CLVS1: variants seen among roughly 807,000 people sequenced by gnomAD.
CLVS1 encodes the protein clavesin-1.
CLVS1 carries 10 observed loss-of-function variants against 33.1 expected under a neutral mutation model. The observed-to-expected ratio is 0.30, with a 90% CI of 0.19 to 0.51. The LOEUF (loss-of-function observed/expected upper bound fraction) is 0.51, where lower values mean the gene tolerates loss of function less well. Ranked by LOEUF, CLVS1 falls within the 20% of genes least tolerant of loss-of-function variation. CLVS1 has a pLI of 0.97. For synonymous variants in CLVS1, 163 were observed against 166.1 expected (o/e 0.98, Z 0.14); for missense variants, 343 against 433.4 (o/e 0.79, Z 1.85).
At chr8:61,415,493 G>A (rs1280281997) in intron 3 of CLVS1, among the ~76,000 whole-genome samples, 1 of 152,190 alleles carries the variant, frequency 6.6e-6, no homozygotes, top group African/African-American at 2.4e-5. Context: ...AAATGATTAT[G>A]GCTAAGCCAT....
intron 2 of CLVS1, among the ~76,000 whole-genome samples, chr8:61,368,955 G>A (rs989795619): frequency 6.6e-6 from 1 of 152,096 alleles, no homozygotes; most frequent in African/African-American, 2.4e-5. Flanking sequence ...AAATTTGCTT[G>A]CAGGATTTTT....
intron 2 of CLVS1, among the ~76,000 whole-genome samples, chr8:61,366,688 T>C (rs1813224849): frequency 6.6e-6 from 1 of 152,202 alleles, no homozygotes; most frequent in South Asian, 2.1e-4. Context: ...GTACTGGTGA[T>C]TGCCAGGGAT....
chr8:61,477,225 C>T (rs941615610), intron 5 of CLVS1, among the ~76,000 whole-genome samples: 2 of 152,108 alleles, frequency 1.3e-5, no homozygotes, highest in South Asian at 2.1e-4. Context: ...ACTTTTGCAA[C>T]GATGTTCATC....
intron 2 of CLVS1, among the ~76,000 whole-genome samples, chr8:61,226,574 C>T (rs939849185): frequency 3.3e-5 from 5 of 152,170 alleles, no homozygotes; most frequent in Non-Finnish European, 5.9e-5. Context: ...TTAAATCCTC[C>T]ACTTTGTATC....
chr8:61,017,788 G>GT, the CLVS1 span, among the ~76,000 whole-genome samples: 1 of 152,166 alleles, frequency 6.6e-6, no homozygotes, highest in African/African-American at 2.4e-5. Flanking sequence ...GGGCTGGGGG[G>GT]GCTCCTCTGG....
chr8:61,072,939 A>C lies in CLVS1; in HGVS notation c.-243+15709A>C, dbSNP rs374455088. Among the ~76,000 whole-genome samples, 20 of 152,296 alleles carry C rather than the reference A, an allele frequency of 1.3e-4. No individual in the cohort carries two copies. In the East Asian group the frequency reaches 3.7e-3, roughly 28 times the overall value. On this transcript the variant is annotated intron_variant, in intron 1 of 2. Transcript: ENST00000522621. The stretch of plus-strand genomic sequence containing the variant: ...AGGCTTTCCTCCATTGAAATCTATA[A>C]TCTTTTTTTGTATGTGGCTATCCTC...
At chr8:61,098,748 C>T (rs1805397228) in intron 1 of CLVS1, among the ~76,000 whole-genome samples, 1 of 152,078 alleles carries the variant, frequency 6.6e-6, no homozygotes, top group African/African-American at 2.4e-5. Context: ...CTACTCATAT[C>T]CACCCCCAGT....
chr8:61,305,734 G>C (rs1326713480), intron 2 of CLVS1, among the ~76,000 whole-genome samples: 1 of 152,062 alleles, frequency 6.6e-6, no homozygotes, highest in Non-Finnish European at 1.5e-5. Context: ...AAAGGCCCCA[G>C]TGTTTATTGT....
the CLVS1 span, among the ~76,000 whole-genome samples, chr8:61,041,213 C>T: frequency 6.6e-6 from 1 of 152,168 alleles, no homozygotes; most frequent in East Asian, 1.9e-4. Flanking sequence ...GTACCAGTAC[C>T]ATGCTGTTTT....
At chr8:61,142,771 C>T (rs1806331430) in intron 2 of CLVS1, among the ~76,000 whole-genome samples, 1 of 152,162 alleles carries the variant, frequency 6.6e-6, no homozygotes, top group Admixed American at 6.5e-5. Context: ...AACAGATACA[C>T]ACCTTCTGTA....
the CLVS1 span, among the ~76,000 whole-genome samples, chr8:60,973,924 T>A: frequency 6.6e-6 from 1 of 152,186 alleles, no homozygotes; most frequent in Non-Finnish European, 1.5e-5. Context: ...TCTGACTAGC[T>A]GCCCACTGTA....
chr8:61,419,804 GTTAAAC>G (rs1393036963), intron 3 of CLVS1, among the ~76,000 whole-genome samples: 3 of 152,182 alleles, frequency 2.0e-5, no homozygotes, highest in Non-Finnish European at 4.4e-5. Context: ...CACTGCTCCT[GTTAAAC>G]TTAACTGCAT....
intron 2 of CLVS1, among the ~76,000 whole-genome samples, chr8:61,265,532 G>A (rs1809287423): frequency 6.6e-6 from 1 of 152,192 alleles, no homozygotes; most frequent in Admixed American, 6.5e-5. Context: ...TCAATTCTAT[G>A]AGAGGCTTGT....
intron 1 of CLVS1, among the ~76,000 whole-genome samples, chr8:61,121,815 CT>C: frequency 6.6e-6 from 1 of 152,250 alleles, no homozygotes; most frequent in African/African-American, 2.4e-5. Flanking sequence ...CTCACACTTG[CT>C]TAAGATAGCA....
intron 1 of CLVS1, among the ~76,000 whole-genome samples, chr8:61,089,946 A>G (rs1805202953): frequency 1.3e-5 from 2 of 152,242 alleles, no homozygotes; most frequent in South Asian, 2.1e-4. Context: ...GTTAAAAAAA[A>G]TCTCCCAGGA....
intron 2 of CLVS1, among the ~76,000 whole-genome samples, chr8:61,138,894 G>A (rs1460268039): frequency 1.3e-5 from 2 of 152,248 alleles, no homozygotes; most frequent in African/African-American, 2.4e-5. Context: ...GCTCTTTCCC[G>A]ATTGTAAATA....
intron 2 of CLVS1, among the ~76,000 whole-genome samples, chr8:61,326,815 A>AT (rs1346810820): frequency 1.3e-5 from 2 of 152,328 alleles, no homozygotes; most frequent in East Asian, 3.9e-4. Context: ...TCCAAATCTG[A>AT]TGTTCTATAT....
At chr8:61,141,140 C>T (rs10104116) in intron 2 of CLVS1, among the ~76,000 whole-genome samples, 77,354 of 152,018 alleles carry the variant, frequency 0.51, 20,108 homozygotes, top group East Asian at 0.71. Flanking sequence ...ACATATAAAG[C>T]AAAATAATGT....
In CLVS1 at chr8:61,393,534, G is replaced by A. The variant is rs539900125; in HGVS notation, c.630+16755G>A. ...TGGTTCCTTCTCATTTGGGTAGACTGTTTCAGTGGAAAGATCTGGAACTCA... is the reference window on the plus strand; with the variant it reads ...TGGTTCCTTCTCATTTGGGTAGACTATTTCAGTGGAAAGATCTGGAACTCA... On this transcript the variant is annotated intron_variant, in intron 3 of 5. Coordinates refer to ENST00000325897, the MANE Select transcript of CLVS1 (RefSeq NM_173519.3). Among the ~76,000 whole-genome samples the A allele has an allele frequency of 3.9e-5, 6 of 152,278 alleles. No individual in the cohort carries two copies. The South Asian group carries it at 1.2e-3, about 32-fold the overall frequency.
Sources: gnomAD v4.1 joint callset for allele counts (sites outside exome capture counted in the v4.1 genomes callset) on GRCh38, gnomAD v4.1.1 for gene constraint, MANE v1.5 for transcripts, NCBI Gene and HGNC (gene_info 2026-07-23, HGNC 2026-07-21) for gene names.